The following GALNT13 variants were observed in gnomAD, a reference collection of about 807,000 sequenced individuals.
The protein encoded by GALNT13 is UDP-GalNAc:polypeptide N-acetylgalactosaminyltransferase 13.
GALNT13 carries 28 observed loss-of-function variants against 64.2 expected under a neutral mutation model. The observed-to-expected ratio is 0.44, with a 90% CI of 0.32 to 0.60. The LOEUF (loss-of-function observed/expected upper bound fraction) is 0.60. Among genes scored for constraint, GALNT13 ranks in the 20% least tolerant of loss-of-function variants. The probability of loss-of-function intolerance (pLI) is 0.05; values close to 1 mark genes in which losing one functional copy is unlikely to be tolerated. For missense variants in GALNT13, 577 were observed against 669.8 expected, an observed-to-expected ratio of 0.86 and a Z score of 1.53; for synonymous variants, 214 against 224.6, an observed-to-expected ratio of 0.95 and a Z score of 0.42.
the GALNT13 span, among the ~76,000 whole-genome samples, chr2:153,182,647 C>T: frequency 6.6e-6 from 1 of 152,124 alleles, no homozygotes; most frequent in East Asian, 1.9e-4. Context: ...TGTTGCTTCG[C>T]ACCATCTGTC....
chr2:153,465,942 C>A, the GALNT13 span, among the ~76,000 whole-genome samples: 1 of 152,166 alleles, frequency 6.6e-6, no homozygotes, highest in African/African-American at 2.4e-5. Flanking sequence ...TGGGCTTTCT[C>A]CAAAGACCCT....
chr2:153,171,702 GA>G, the GALNT13 span, among the ~76,000 whole-genome samples: 3 of 152,176 alleles, frequency 2.0e-5, no homozygotes, highest in African/African-American at 7.2e-5. Context: ...AAGGCAGAAA[GA>G]AGTAAGAAAA....
the GALNT13 span, among the ~76,000 whole-genome samples, chr2:153,077,570 GCTGC>G: frequency 1.3e-5 from 2 of 152,116 alleles, no homozygotes; most frequent in African/African-American, 4.8e-5. Flanking sequence ...TATGTTGTTT[GCTGC>G]TTACGACTAG....
chr2:153,726,541 T>C, the GALNT13 span, among the ~76,000 whole-genome samples: 1 of 152,216 alleles, frequency 6.6e-6, no homozygotes, highest in South Asian at 2.1e-4. Context: ...AGACAATGAA[T>C]GCCTAAACTT....
At chr2:153,971,331 A>G (rs1045597766) in intron 3 of GALNT13, among the ~76,000 whole-genome samples, 2 of 152,086 alleles carry the variant, frequency 1.3e-5, no homozygotes, top group Non-Finnish European at 2.9e-5. Context: ...ACTGCATGAC[A>G]TATTATGTTT....
At chr2:153,564,502 G>C in the GALNT13 span, among the ~76,000 whole-genome samples, 1 of 151,860 alleles carries the variant, frequency 6.6e-6, no homozygotes, top group Non-Finnish European at 1.5e-5. Flanking sequence ...TTTATAAAGA[G>C]CTTGTCAATT....
At chr2:153,596,340 ACTT>A in the GALNT13 span, among the ~76,000 whole-genome samples, 3 of 152,170 alleles carry the variant, frequency 2.0e-5, no homozygotes, top group South Asian at 6.2e-4. Context: ...CAAAAACTCC[ACTT>A]CTTAATGCAG....
At chr2:153,741,662 T>A in the GALNT13 span, among the ~76,000 whole-genome samples, 2 of 152,048 alleles carry the variant, frequency 1.3e-5, no homozygotes, top group Admixed American at 6.6e-5. Flanking sequence ...ATACCACTTG[T>A]ATTTTTATTT....
intron 3 of GALNT13, among the ~76,000 whole-genome samples, chr2:154,013,577 T>A (rs1444681): frequency 0.77 from 116,517 of 152,006 alleles, 45,059 homozygotes; most frequent in East Asian, 0.96. Context: ...GTGTACACTG[T>A]GCTCACTTGC....
the GALNT13 span, among the ~76,000 whole-genome samples, chr2:153,074,239 T>C: frequency 6.6e-6 from 1 of 152,224 alleles, no homozygotes; most frequent in Non-Finnish European, 1.5e-5. Context: ...CATTAGCTAT[T>C]GTGCTACTTT....
At chr2:154,073,703 C>A (rs1224561207) in intron 3 of GALNT13, among the ~76,000 whole-genome samples, 1 of 151,790 alleles carries the variant, frequency 6.6e-6, no homozygotes, top group Non-Finnish European at 1.5e-5. Context: ...ATGAAATATT[C>A]ATTGTCAGGG....
At chr2:153,692,257 A>T in the GALNT13 span, among the ~76,000 whole-genome samples, 7 of 152,170 alleles carry the variant, frequency 4.6e-5, no homozygotes, top group Non-Finnish European at 8.8e-5. Context: ...TTTCTGAGAC[A>T]CTAGTACTGT....
At chr2:154,258,083 A>G (rs1362830374) in intron 7 of GALNT13, among the ~76,000 whole-genome samples, 1 of 152,134 alleles carries the variant, frequency 6.6e-6, no homozygotes, top group Non-Finnish European at 1.5e-5. Flanking sequence ...AAACCACTAT[A>G]TTACAACTAA....
chr2:153,646,788 T>C, the GALNT13 span, among the ~76,000 whole-genome samples: 1 of 152,296 alleles, frequency 6.6e-6, no homozygotes, highest in East Asian at 1.9e-4. Context: ...ACAAAGGACA[T>C]GAACTCCTCA....
chr2:153,421,714 TG>T, the GALNT13 span: 1 of 287,750 alleles, frequency 3.5e-6, no homozygotes, highest in South Asian at 5.2e-5. Flanking sequence ...GTGGAAGAGC[TG>T]GTGGTAGGTG....
intron 9 of GALNT13, among the ~76,000 whole-genome samples, chr2:154,341,109 G>A (rs1695742328): frequency 6.6e-6 from 1 of 152,016 alleles, no homozygotes; most frequent in South Asian, 2.1e-4. Flanking sequence ...CTCAACATTT[G>A]TGTATCTTGA....
chr2:154,025,136 G>T (rs1697854723), intron 3 of GALNT13, among the ~76,000 whole-genome samples: 1 of 152,072 alleles, frequency 6.6e-6, no homozygotes, highest in Non-Finnish European at 1.5e-5. Context: ...GCTACTCGGG[G>T]GTCATGGACC....
At chr2:154,380,697 G>A (rs1698224922) in intron 9 of GALNT13, among the ~76,000 whole-genome samples, 2 of 152,098 alleles carry the variant, frequency 1.3e-5, no homozygotes, top group South Asian at 4.1e-4. Context: ...CGAACTTGGT[G>A]GCTGAAATCC....
chr2:153,303,999 C>T, the GALNT13 span, among the ~76,000 whole-genome samples: 1 of 151,638 alleles, frequency 6.6e-6, no homozygotes, highest in African/African-American at 2.4e-5. Flanking sequence ...CTGCCAGGTC[C>T]AACATAAGAT....
Sources: gnomAD v4.1 joint callset for allele counts (sites outside exome capture counted in the v4.1 genomes callset) on GRCh38, gnomAD v4.1.1 for gene constraint, MANE v1.5 for transcripts, NCBI Gene and HGNC (gene_info 2026-07-23, HGNC 2026-07-21) for gene names.